Variants in CEACAM7 observed in about 807,000 individuals in gnomAD.
The protein encoded by CEACAM7 is CEA cell adhesion molecule 7.
Under a neutral mutation model 25.7 loss-of-function variants are expected in CEACAM7, and 24 were observed. The observed-to-expected ratio is 0.93, with a 90% confidence interval of 0.68 to 1.31. The LOEUF (loss-of-function observed/expected upper bound fraction) is 1.31, where lower values mean the gene tolerates loss of function less well. Ranked by LOEUF, CEACAM7 falls within the 40% of genes most tolerant of loss-of-function variation. The pLI, the probability that CEACAM7 is intolerant of heterozygous loss-of-function variation, is 0.00. For synonymous variants in CEACAM7, 144 were observed against 129.4 expected (o/e 1.11, Z -0.77); for missense variants, 324 against 330.1 (o/e 0.98, Z 0.14).
intron 4 of CEACAM7, among the ~76,000 whole-genome samples, chr19:41,675,434 T>C (rs1188196119): frequency 1.3e-5 from 2 of 152,218 alleles, no homozygotes; most frequent in African/African-American, 4.8e-5. Context: ...AAAAACATTA[T>C]CCTCATTAGT....
chr19:41,676,591 T>C (rs939556630), intron 4 of CEACAM7, among the ~76,000 whole-genome samples: 3 of 152,214 alleles, frequency 2.0e-5, no homozygotes, highest in East Asian at 3.9e-4. Flanking sequence ...TCTTCATTTC[T>C]GTATCTTTCA....
chr19:41,681,314 G>A (rs781987273), intron 3 of CEACAM7, among the ~76,000 whole-genome samples: 6 of 152,150 alleles, frequency 3.9e-5, no homozygotes, highest in Non-Finnish European at 7.3e-5. Flanking sequence ...TGAAACTCTC[G>A]TGCATTGCCG....
chr19:41,684,534 C>A (rs1568688768), intron 2 of CEACAM7, among the ~76,000 whole-genome samples: 1 of 152,122 alleles, frequency 6.6e-6, no homozygotes, highest in Non-Finnish European at 1.5e-5. Flanking sequence ...TTTGAGCAGA[C>A]ATAGCAGAGG....
At chr19:41,681,538 C>T (rs2072175750) in intron 3 of CEACAM7, among the ~76,000 whole-genome samples, 1 of 151,984 alleles carries the variant, frequency 6.6e-6, no homozygotes, top group African/African-American at 2.4e-5. Context: ...AAAAGTCCAC[C>T]GAACGATAAG....
rs201520824 is a variant in CEACAM7, at chr19:41,687,270, G to A, written c.65-49C>T. 4 of 1,528,150 alleles carry A rather than the reference G, an allele frequency of 2.6e-6. No homozygotes were observed. In the East Asian group the frequency reaches 9.0e-5, roughly 35 times the overall value. The allele number at this position is 1,528,150 out of a possible 1,614,324, so 94.7% of individuals were successfully genotyped here. A position where few individuals can be genotyped will look rare whatever the true frequency, so the allele number is the denominator to read the frequency against. ...TCAATATTGGGACCTATGTATTGGGGTGGAAAGATGGGGCCCTGGATCCTG... is the reference window on the plus strand; with the variant it reads ...TCAATATTGGGACCTATGTATTGGGATGGAAAGATGGGGCCCTGGATCCTG... On this transcript the variant is annotated intron_variant, in intron 1 of 4. Transcript: ENST00000401731.
chr19:41,679,555 A>G (rs1320373995), intron 3 of CEACAM7, among the ~76,000 whole-genome samples: 1 of 152,242 alleles, frequency 6.6e-6, no homozygotes, highest in African/African-American at 2.4e-5. Context: ...TCTATGTAGT[A>G]TTGAAAGTTC....
chr19:41,683,560 G>A (rs4426458), intron 3 of CEACAM7, among the ~76,000 whole-genome samples: 28,107 of 152,216 alleles, frequency 0.18, 3,287 homozygotes, highest in Non-Finnish European at 0.26. Context: ...TCCCATCACA[G>A]GCTGTGGACC....
intron 3 of CEACAM7, among the ~76,000 whole-genome samples, chr19:41,680,103 A>G (rs567089265): frequency 1.3e-5 from 2 of 150,196 alleles, no homozygotes; most frequent in African/African-American, 4.9e-5. Context: ...TACATGTGTA[A>G]GCCGTTGCAT....
chr19:41,677,891 A>G (rs2122716661), intron 3 of CEACAM7, among the ~76,000 whole-genome samples: 1 of 152,270 alleles, frequency 6.6e-6, no homozygotes, highest in Non-Finnish European at 1.5e-5. Context: ...TCCTTTGCAC[A>G]GAGACCTCAC....
chr19:41,684,117 A>C, intron 2 of CEACAM7, 54 bp from the exon 3 acceptor site: 1 of 1,583,202 alleles, frequency 6.3e-7, no homozygotes, highest in East Asian at 2.2e-5. Flanking sequence ...TGGTTCCCCC[A>C]CGGACATCTT....
At chr19:41,687,685 C>A (rs1365268259) in intron 1 of CEACAM7, among the ~76,000 whole-genome samples, 1 of 152,216 alleles carries the variant, frequency 6.6e-6, no homozygotes, top group Non-Finnish European at 1.5e-5. Flanking sequence ...CACCCCAGTG[C>A]CTGGAACAGG....
intron 1 of CEACAM7, 22 bp downstream of exon 1, chr19:41,688,080 T>C: frequency 6.2e-7 from 1 of 1,601,566 alleles, no homozygotes; most frequent in Non-Finnish European, 8.5e-7. Context: ...TCCCACCCAC[T>C]CCCAGGAAGT....
At chr19:41,687,607 G>T (rs538709161) in intron 1 of CEACAM7, among the ~76,000 whole-genome samples, 1 of 152,174 alleles carries the variant, frequency 6.6e-6, no homozygotes, top group Non-Finnish European at 1.5e-5. Context: ...AGATCTCTTT[G>T]CCTGTCTGTC....
intron 1 of CEACAM7, among the ~76,000 whole-genome samples, chr19:41,687,438 C>A (rs2072240445): frequency 6.6e-6 from 1 of 152,184 alleles, no homozygotes; most frequent in African/African-American, 2.4e-5. Context: ...CCCCAGGGAT[C>A]TGCAGGGCTC....
rs1555809863 is a variant in CEACAM7, at chr19:41,674,112, A to G, written c.*664T>C. On this transcript the variant is annotated 3_prime_UTR_variant, in exon 5 of 5. Transcript: ENST00000401731. The stretch of plus-strand genomic sequence containing the variant: ...AACAAGAAGTGTCAGCAACTGCACA[A>G]ACTCCTCCCTGTTCAGCTAGTAGGC... 1 of 152,260 alleles carries G rather than the reference A, an allele frequency of 6.6e-6. No individual in the cohort carries two copies. Among genetic ancestry groups the G allele is most frequent in the Non-Finnish European group, 1.5e-5 (1 of 68,046 alleles). The allele number at this position is 152,260 out of a possible 1,614,324, so 9.4% of individuals were successfully genotyped here.
intron 3 of CEACAM7, among the ~76,000 whole-genome samples, chr19:41,681,141 G>T (rs2072171087): frequency 6.6e-6 from 1 of 152,170 alleles, no homozygotes; most frequent in Non-Finnish European, 1.5e-5. Context: ...AGGAAGATAT[G>T]CAAATGGCCA....
Position 41,681,988 on chromosome 19 carries a change from G to A in CEACAM7, c.706+1797C>T, listed in dbSNP as rs369576428. On this transcript the variant is annotated intron_variant, in intron 3 of 4. Coordinates refer to ENST00000401731, the MANE Select transcript of CEACAM7 (RefSeq NM_001291485.2). ...GGAGACAGGGTCTCACTCTGTCACC[G>A]AGGCTGGAATTCAATGGCGCAATCA... is the stretch of plus-strand genomic sequence containing the variant. Among the ~76,000 whole-genome samples the A allele has an allele frequency of 1.5e-4, 23 of 152,200 alleles. No individual in the cohort carries two copies. In the East Asian group the frequency reaches 2.7e-3, roughly 18 times the overall value.
rs782608870 is a variant in CEACAM7 at position 41,687,003 on chromosome 19, C to A, written c.283G>T (p.Ala95Ser). 3 of 1,613,510 alleles carry A rather than the reference C, an allele frequency of 1.9e-6. No individual in the cohort carries two copies. Among genetic ancestry groups the A allele is most frequent in the Non-Finnish European group, 2.5e-6 (3 of 1,179,730 alleles). ...NISQENAPGP[A>S]HNGRETIYPN... ...TATATTGTCTCTCGACCGTTGTGTG[C>A]GGGCCCTGGGGCATTTTCTTGACTT... The change falls in exon 2 of 5, where the codon GCA (alanine) becomes TCA (serine). Residue 95 changes from alanine to serine, a missense_variant. Ala to Ser is a moderately conservative substitution (Grantham distance 99, BLOSUM62 1). Transcript: ENST00000401731.
intron 3 of CEACAM7, among the ~76,000 whole-genome samples, chr19:41,680,863 A>G (rs913247486): frequency 2.6e-5 from 4 of 152,104 alleles, no homozygotes; most frequent in Admixed American, 2.0e-4. Context: ...GGATTTCACA[A>G]TGATTTCTTG....
Sources: gnomAD v4.1 joint callset for allele counts (sites outside exome capture counted in the v4.1 genomes callset) on GRCh38, gnomAD v4.1.1 for gene constraint, MANE v1.5 for transcripts, NCBI Gene and HGNC (gene_info 2026-07-23, HGNC 2026-07-21) for gene names.